The following ETNPPL variants were observed in gnomAD, a reference collection of about 807,000 sequenced individuals.
The protein encoded by ETNPPL is ethanolamine-phosphate phospho-lyase.
Under a neutral mutation model 55.5 loss-of-function variants are expected in ETNPPL, and 30 were observed. The ratio of observed to expected loss-of-function variants is 0.54; its 90% CI spans 0.40 to 0.73. The LOEUF is 0.73. Ranked by LOEUF, ETNPPL falls within the 30% of genes least tolerant of loss-of-function variation. The pLI is 0.00. For synonymous variants in ETNPPL, 202 were observed against 207.2 expected, an observed-to-expected ratio of 0.98 and a Z score of 0.21; for missense variants, 528 against 607.9, an observed-to-expected ratio of 0.87 and a Z score of 1.38.
chr4:108,754,781 C>A, intron 4 of ETNPPL, 71 bp from the exon 5 acceptor site: 1 of 941,056 alleles, frequency 1.1e-6, no homozygotes, highest in South Asian at 1.4e-5. Flanking sequence ...TATATGAAAA[C>A]CAGTGTTGCA....
At chr4:108,762,199 A>G (rs1394727308) in intron 1 of ETNPPL, 1 of 361,458 alleles carries the variant, frequency 2.8e-6, no homozygotes, top group Non-Finnish European at 5.5e-6. Context: ...TCACCTTTAT[A>G]TTACTAAGTC....
intron 1 of ETNPPL, 109 bp downstream of exon 1, chr4:108,762,734 G>C: frequency 7.5e-7 from 1 of 1,334,304 alleles, no homozygotes; most frequent in Non-Finnish European, 1.1e-6. Flanking sequence ...GGCGGGCACG[G>C]AGTGCGGCTG....
chr4:108,747,885 C>T, intron 9 of ETNPPL, 120 bp downstream of exon 9: 1 of 777,888 alleles, frequency 1.3e-6, no homozygotes, highest in Non-Finnish European at 2.0e-6. Flanking sequence ...TGTGCCACCA[C>T]ACCTGGCTAA....
intron 7 of ETNPPL, among the ~76,000 whole-genome samples, chr4:108,750,680 C>G (rs1308359618): frequency 7.0e-6 from 1 of 142,414 alleles, no homozygotes; most frequent in East Asian, 2.6e-4. Flanking sequence ...TTGGTACTAG[C>G]CAATCAGAGA....
chr4:108,751,679 C>A (rs933939947), intron 6 of ETNPPL, among the ~76,000 whole-genome samples: 30 of 152,244 alleles, frequency 2.0e-4, no homozygotes, highest in African/African-American at 7.2e-4. Flanking sequence ...TCAGACTACC[C>A]CTTAGTAATT....
chr4:108,743,543 A>C (rs1728318911), intron 12 of ETNPPL, among the ~76,000 whole-genome samples: 2 of 152,176 alleles, frequency 1.3e-5, no homozygotes. Context: ...TTGCAGGCCC[A>C]CAAGGCTGTT....
At chr4:108,750,060 T>C (rs1374488163) in intron 7 of ETNPPL, among the ~76,000 whole-genome samples, 1 of 152,146 alleles carries the variant, frequency 6.6e-6, no homozygotes, top group Non-Finnish European at 1.5e-5. Context: ...ATCAAACAAG[T>C]AGTTGTTAAC....
At chr4:108,746,982 G>A in intron 9 of ETNPPL, 131 bp from the exon 10 acceptor site, 1 of 562,456 alleles carries the variant, frequency 1.8e-6, no homozygotes, top group Non-Finnish European at 3.1e-6. Context: ...ACCAATCTAT[G>A]TTCACAGTTG....
chr4:108,746,996 C>G, intron 9 of ETNPPL, 145 bp from the exon 10 acceptor site: 1 of 531,174 alleles, frequency 1.9e-6, no homozygotes, highest in Non-Finnish European at 3.3e-6. Context: ...ACAGTTGTTT[C>G]TACTTTTGGA....
intron 4 of ETNPPL, among the ~76,000 whole-genome samples, chr4:108,756,042 T>C (rs1459097239): frequency 6.6e-6 from 1 of 152,244 alleles, no homozygotes; most frequent in Non-Finnish European, 1.5e-5. Flanking sequence ...ATCACAATAG[T>C]GAAGTGAATG....
intron 1 of ETNPPL, among the ~76,000 whole-genome samples, chr4:108,760,684 GTTA>G (rs1251005900): frequency 6.6e-6 from 1 of 152,112 alleles, no homozygotes; most frequent in African/African-American, 2.4e-5. Context: ...GTCAGAAGCT[GTTA>G]TATATTTTGT....
rs1401852322 is a variant in ETNPPL at position 108,756,496 on chromosome 4, TTAAGA to T, written c.336-9_336-5del. The T allele has an allele frequency of 1.9e-6, 3 of 1,610,910 alleles. No individual in the cohort carries two copies. The African/African-American group carries it at 4.0e-5, about 22-fold the overall frequency. On this transcript the variant is annotated splice_polypyrimidine_tract_variant and splice_region_variant and intron_variant, in intron 3 of 12. Transcript: ENST00000296486. Reference sequence around the variant, plus strand: ...GGCTAAGTCGTTGGCTTCGGATCTATTAAGATAACATAGAGAGAGAGGACACTGTG... The same window carrying T: ...GGCTAAGTCGTTGGCTTCGGATCTATTAACATAGAGAGAGAGGACACTGTG...
At position 108,752,923 on chromosome 4, in the gene ETNPPL, A is replaced by C; in HGVS notation, c.590T>G (p.Ile197Ser). ...CCTTCCACTGTTATGAGCATCTTCAATGATTTTCTTCACTTCATCTGCATA... is the reference window on the plus strand; with the variant it reads ...CCTTCCACTGTTATGAGCATCTTCACTGATTTTCTTCACTTCATCTGCATA... ...SAYADEVKKI[I>S]EDAHNSGRKI... The change falls in exon 6 of 13, where the codon ATT (isoleucine) becomes AGT (serine). Residue 197 changes from isoleucine to serine, a missense_variant. Physicochemically the swap from Ile to Ser is moderately radical, Grantham distance 142. Coordinates refer to ENST00000296486, the MANE Select transcript of ETNPPL (RefSeq NM_031279.4). 4 of 1,608,502 alleles carry C rather than the reference A, an allele frequency of 2.5e-6. No homozygotes were observed. The highest frequency in any genetic ancestry group is 3.4e-6 in the Non-Finnish European group (4 of 1,175,538).
rs11549399 is a variant in ETNPPL at position 108,762,906 on chromosome 4, G to T, written c.-8C>A. 1 of 1,613,852 alleles carries T rather than the reference G, an allele frequency of 6.2e-7. No individual in the cohort carries two copies. The highest frequency in any genetic ancestry group is 8.5e-7 in the Non-Finnish European group (1 of 1,179,882). ...ACTGTACAGCTCGCACATGGTGGCG[G>T]GGTGCAGGGCGCTGCGAAGGTGCAA... On this transcript the variant is annotated 5_prime_UTR_variant, in exon 1 of 13. Coordinates refer to ENST00000296486, the MANE Select transcript of ETNPPL (RefSeq NM_031279.4).
chr4:108,742,504 T>A lies in ETNPPL; in HGVS notation c.1480A>T (p.Ser494Cys). 2 of 1,614,194 alleles carry A rather than the reference T, an allele frequency of 1.2e-6. No individual in the cohort carries two copies. Among genetic ancestry groups the A allele is most frequent in the Non-Finnish European group, 1.7e-6 (2 of 1,180,014 alleles). The change falls in exon 13 of 13, where the codon AGT becomes TGT. Residue 494 changes from serine to cysteine, a missense_variant. Transcript: ENST00000296486. The stretch of plus-strand genomic sequence containing the variant: ...ATCAGTCATGTCTTGAGCCTCTTAC[T>A]GAGCAGTGAATGTGTATCCGTGCAC... The part of the protein sequence containing the change: ...GMCTDTHSLL[S>C]KRLKT
At position 108,748,021 on chromosome 4, in the gene ETNPPL, A is replaced by G; in HGVS notation, c.1066T>C (p.Leu356=). The G allele has an allele frequency of 2.5e-6, 4 of 1,609,488 alleles. No homozygotes were observed. The highest frequency in any genetic ancestry group is 3.4e-6 in the Non-Finnish European group (4 of 1,178,412). Reference sequence around the variant, plus strand: ...TGAACATACCTAATATCTCCTATCAAAGTGTGTTTAGCCTTCTGTTTTTTC... The same window carrying G: ...TGAACATACCTAATATCTCCTATCAGAGTGTGTTTAGCCTTCTGTTTTTTC... ...LLKKQKAKHT[L]IGDIRGIGLF... Residue 356 remains leucine, a synonymous_variant, in exon 9 of 13, where the codon TTG becomes CTG. Transcript: ENST00000296486.
At chr4:108,762,513 C>A in intron 1 of ETNPPL, 1 of 670,966 alleles carries the variant, frequency 1.5e-6, no homozygotes, top group Non-Finnish European at 2.7e-6. Flanking sequence ...TTCCACCCAT[C>A]TCCCATCCCT....
intron 3 of ETNPPL, among the ~76,000 whole-genome samples, chr4:108,759,115 T>A (rs540386810): frequency 1.3e-5 from 2 of 152,150 alleles, no homozygotes; most frequent in African/African-American, 4.8e-5. Flanking sequence ...TTTTCTTTTC[T>A]TATGTTTGTA....
chr4:108,749,439 C>A lies in ETNPPL; in HGVS notation c.726G>T (p.Val242=), dbSNP rs775601056. 6 of 1,613,904 alleles carry A rather than the reference C, an allele frequency of 3.7e-6. No homozygotes were observed. In the Admixed American group the frequency reaches 8.3e-5, roughly 22 times the overall value. ...CCACTTGAACTTCATCAGCTATAAA[C>A]ACACCCCCTGCACCGTGTACATATC... ...VAEYVHGAGG[V]FIADEVQVGF... is the part of the protein sequence containing the mutation. Residue 242 remains valine, a synonymous_variant, in exon 8 of 13, where the codon GTG becomes GTT. Coordinates refer to ENST00000296486, the MANE Select transcript of ETNPPL (RefSeq NM_031279.4).
Sources: allele counts gnomAD v4.1 joint callset (sites outside exome capture counted in the v4.1 genomes callset), GRCh38; gene constraint gnomAD v4.1.1; transcripts MANE v1.5; gene names NCBI Gene and HGNC (gene_info 2026-07-23, HGNC 2026-07-21).